The following RYR3 variants were observed in gnomAD, a reference collection of about 807,000 sequenced individuals.
The protein encoded by RYR3 is ryanodine receptor 3.
RYR3 carries 207 observed loss-of-function variants against 584.3 expected under a neutral mutation model. The observed-to-expected ratio is 0.35, with a 90% CI of 0.32 to 0.40. The LOEUF (loss-of-function observed/expected upper bound fraction) is 0.40, where lower values mean the gene tolerates loss of function less well. RYR3 is among the 10% of genes least tolerant of loss of function. RYR3 has a pLI of 1.00. For synonymous variants in RYR3, 2,416 were observed against 2,248.5 expected, an observed-to-expected ratio of 1.07 and a Z score of -2.11; for missense variants, 5,616 against 6,089.2, an observed-to-expected ratio of 0.92 and a Z score of 2.59.
At position 33,311,801 on chromosome 15, in the gene RYR3, C is replaced by A. The variant is rs1423194008; in HGVS notation, c.51+705C>A. Among the ~76,000 whole-genome samples the A allele has an allele frequency of 1.3e-5, 2 of 152,232 alleles. No homozygotes were observed. Among genetic ancestry groups the A allele is most frequent in the Non-Finnish European group, 2.9e-5 (2 of 68,040 alleles). On this transcript the variant is annotated intron_variant, in intron 1 of 103. Transcript: ENST00000634891. This position sits in a 1 kb window ranked among gnomAD's most constrained non-coding sequence, Gnocchi z 4.4. ...AGGGAAACCCCAGTCAGTGGCTCCG[C>A]GTCACTCAGGTCCCCTCCTTGACAC...
chr15:33,542,903 G>T (rs931991158), intron 7 of RYR3, among the ~76,000 whole-genome samples: 1 of 152,082 alleles, frequency 6.6e-6, no homozygotes, highest in Non-Finnish European at 1.5e-5. Flanking sequence ...TTGAATTAAG[G>T]TTCAGCATTT....
At chr15:33,827,475 C>T (rs115732825) in intron 85 of RYR3, among the ~76,000 whole-genome samples, 188 bp downstream of exon 85, 31 of 152,278 alleles carry the variant, frequency 2.0e-4, no homozygotes, top group African/African-American at 7.5e-4. Flanking sequence ...AAGTGGGAGA[C>T]GTGGTTAAAC....
chr15:33,783,426 G>A (rs1277658226), intron 65 of RYR3, among the ~76,000 whole-genome samples: 2 of 152,218 alleles, frequency 1.3e-5, no homozygotes, highest in Non-Finnish European at 2.9e-5. Flanking sequence ...GGTTTATGCT[G>A]TGGCATTTGA....
At chr15:33,849,907 G>A (rs925476806) in intron 94 of RYR3, 2 of 152,188 alleles carry the variant, frequency 1.3e-5, no homozygotes, top group Non-Finnish European at 2.9e-5. Context: ...CCCTGCCTGC[G>A]GGTCCCCTGC....
At chr15:33,329,133 T>G (rs1567034887) in intron 1 of RYR3, among the ~76,000 whole-genome samples, 1 of 152,214 alleles carries the variant, frequency 6.6e-6, no homozygotes, top group Non-Finnish European at 1.5e-5. Flanking sequence ...CTTCCTCTTC[T>G]TCTCCCATCC....
chr15:33,388,031 A>G (rs969349030), intron 1 of RYR3, among the ~76,000 whole-genome samples: 1 of 152,146 alleles, frequency 6.6e-6, no homozygotes, highest in Non-Finnish European at 1.5e-5. Context: ...CAAATAAATA[A>G]AACATGATCT....
chr15:33,392,931 A>G (rs1383827337), intron 1 of RYR3, among the ~76,000 whole-genome samples: 2 of 152,260 alleles, frequency 1.3e-5, no homozygotes, highest in African/African-American at 4.8e-5. Flanking sequence ...TAGGAAGCCT[A>G]CAAGGGCATG....
At chr15:33,591,289 T>A (rs1018174031) in intron 16 of RYR3, among the ~76,000 whole-genome samples, 3 of 152,272 alleles carry the variant, frequency 2.0e-5, no homozygotes, top group African/African-American at 7.2e-5. Flanking sequence ...ATTTGTTCTC[T>A]GCTGTAATAA....
rs773641063 is a variant in RYR3 at position 33,722,821 on chromosome 15, A to C, written c.6726A>C (p.Ala2242=). 9.9e-6 allele frequency: 16 copies of C among 1,613,176 alleles called. No individual in the cohort carries two copies. Among genetic ancestry groups the C allele is most frequent in the East Asian group, 4.5e-5 (2 of 44,846 alleles). ...GTGAGGGGGGAAACGGGCTCTTGGC[A>C]GCCATGCAGGGTGCCATTAAGATCT... ...LRGEGGNGLL[A]AMQGAIKISE... Residue 2242 remains alanine, a synonymous_variant, in exon 44 of 104, where the codon GCA becomes GCC. Transcript: ENST00000634891.
chr15:33,521,121 AG>A (rs142971356), intron 3 of RYR3, among the ~76,000 whole-genome samples: 33,428 of 151,904 alleles, frequency 0.22, 4,649 homozygotes, highest in Middle Eastern at 0.47. Flanking sequence ...AGGTGCCCAC[AG>A]GAAAGAATCA....
intron 1 of RYR3, among the ~76,000 whole-genome samples, chr15:33,406,334 C>T (rs1159780776): frequency 6.6e-6 from 1 of 152,162 alleles, no homozygotes; most frequent in Non-Finnish European, 1.5e-5. Flanking sequence ...CTCCCTTGGA[C>T]CAAATGTTTG....
intron 2 of RYR3, among the ~76,000 whole-genome samples, chr15:33,496,970 G>A (rs1311332712): frequency 2.0e-5 from 3 of 152,076 alleles, no homozygotes; most frequent in African/African-American, 7.2e-5. Context: ...TACTTCGTTT[G>A]TTTGTCCCCA....
intron 1 of RYR3, among the ~76,000 whole-genome samples, chr15:33,319,768 CTAGATATG>C (rs1205800384): frequency 6.6e-6 from 1 of 152,152 alleles, no homozygotes; most frequent in Non-Finnish European, 1.5e-5. Flanking sequence ...TCCAGGAGAA[CTAGATATG>C]TAAATCTGGA....
intron 1 of RYR3, among the ~76,000 whole-genome samples, chr15:33,398,668 C>T (rs1233522886): frequency 6.6e-6 from 1 of 152,160 alleles, no homozygotes; most frequent in Non-Finnish European, 1.5e-5. Context: ...GAGGGTGGAG[C>T]TTTGGTCTCC....
intron 1 of RYR3, among the ~76,000 whole-genome samples, chr15:33,337,934 ATTTTTTT>A (rs199625940): frequency 1.1e-4 from 12 of 113,602 alleles, no homozygotes; most frequent in Middle Eastern, 5.7e-3. Context: ...ATTTTAGGAG[ATTTTTTT>A]TTTTTTTTTT....
intron 5 of RYR3, among the ~76,000 whole-genome samples, chr15:33,536,671 C>T (rs1012658580): frequency 6.6e-6 from 1 of 152,134 alleles, no homozygotes; most frequent in Admixed American, 6.6e-5. Context: ...ACAACATTTT[C>T]CCCTTCAAAT....
chr15:33,618,934 A>T (rs2060584526), intron 19 of RYR3, among the ~76,000 whole-genome samples: 1 of 152,244 alleles, frequency 6.6e-6, no homozygotes. Context: ...GCAAAAATGC[A>T]CAAATCTCAA....
chr15:33,857,306 G>A (rs1026687826), intron 98 of RYR3, among the ~76,000 whole-genome samples: 9 of 151,968 alleles, frequency 5.9e-5, no homozygotes, highest in African/African-American at 1.5e-4. Flanking sequence ...GCACCCTCTC[G>A]CTGCCGCTTC....
intron 1 of RYR3, among the ~76,000 whole-genome samples, chr15:33,430,330 A>G (rs970310210): frequency 6.6e-6 from 1 of 152,236 alleles, no homozygotes; most frequent in African/African-American, 2.4e-5. Flanking sequence ...GGCAAAAGTG[A>G]TAAATCGGCA....
Sources: gnomAD v4.1 joint callset for allele counts (sites outside exome capture counted in the v4.1 genomes callset) on GRCh38, gnomAD v4.1.1 for gene constraint, Gnocchi (gnomAD v3.1) non-coding constraint, MANE v1.5 for transcripts, NCBI Gene and HGNC (gene_info 2026-07-23, HGNC 2026-07-21) for gene names.